WFDC8: variants seen among roughly 807,000 people sequenced by gnomAD.
WFDC8 encodes WAP four-disulfide core domain 8.
WFDC8 carries 24 observed loss-of-function variants against 27.0 expected under a neutral mutation model. That is an observed-to-expected ratio of 0.89 (90% confidence interval 0.64 to 1.25). The LOEUF (loss-of-function observed/expected upper bound fraction) is 1.25. Among genes scored for constraint, WFDC8 ranks in the 50% most tolerant of loss-of-function variants. WFDC8 has a pLI of 0.00. For missense variants in WFDC8, 287 were observed against 295.9 expected (o/e 0.97, Z 0.22); for synonymous variants, 106 against 99.7 (o/e 1.06, Z -0.38).
Position 45,553,179 on chromosome 20 carries a change from A to T in WFDC8, c.543T>A (p.Cys181Ter), listed in dbSNP as rs750718416. 1.9e-6 allele frequency: 3 copies of T among 1,613,822 alleles called. No individual in the cohort carries two copies. The highest frequency in any genetic ancestry group is 2.5e-6 in the Non-Finnish European group (3 of 1,179,804). ...SDIDCPQTDKCCESRCGFVCA... is the reference protein window; with the variant it reads ...SDIDCPQTDK ...AAACAAAGCCACACCTGGATTCACA[A>T]CATTTGTCTGTCTGGGGACAATCGA... is the stretch of plus-strand genomic sequence containing the variant. Residue 181 changes from cysteine to a stop codon, truncating the protein, a stop_gained, in exon 5 of 6, where the codon TGT becomes TGA. Transcript: ENST00000289953. LOFTEE classifies it low-confidence loss of function (END_TRUNC).
chr20:45,551,889 T>C lies in WFDC8; in HGVS notation c.*137A>G, dbSNP rs1029769495. The C allele has an allele frequency of 1.8e-6, 2 of 1,091,104 alleles. No homozygotes were observed. The highest frequency in any genetic ancestry group is 2.6e-6 in the Non-Finnish European group (2 of 776,532). 67.6% of individuals were successfully genotyped at this position (1,091,104 alleles called of 1,614,324 possible). On this transcript the variant is annotated 3_prime_UTR_variant, in exon 6 of 6. Transcript: ENST00000289953. ...ATCACTTTCAGATGATGGGATTATA[T>C]ATAAAATCAAAGTAACATCATTCAA...
chr20:45,556,074 CT>C (rs1284893405), intron 3 of WFDC8, among the ~76,000 whole-genome samples: 1 of 152,194 alleles, frequency 6.6e-6, no homozygotes, highest in Non-Finnish European at 1.5e-5. Flanking sequence ...TCACTCCTTC[CT>C]TGCAAAGAAT....
intron 1 of WFDC8, among the ~76,000 whole-genome samples, chr20:45,564,011 G>A (rs151201484): frequency 1.4e-4 from 21 of 152,316 alleles, no homozygotes; most frequent in African/African-American, 4.6e-4. Context: ...AGTATTTGAT[G>A]TTTATCTGAC....
intron 1 of WFDC8, 114 bp downstream of exon 1, chr20:45,579,108 A>T: frequency 1.0e-6 from 1 of 989,288 alleles, no homozygotes; most frequent in Non-Finnish European, 1.6e-6. Flanking sequence ...CCTCCTCACT[A>T]TGCTTGGCCC....
intron 1 of WFDC8, among the ~76,000 whole-genome samples, chr20:45,577,562 C>T (rs1981087578): frequency 6.7e-6 from 1 of 149,956 alleles, no homozygotes; most frequent in Admixed American, 6.6e-5. Context: ...CCACGTCCTG[C>T]TAATTTTTTG....
At chr20:45,562,265 G>C (rs1980498540) in intron 1 of WFDC8, 46 bp from the exon 2 acceptor site, 1 of 1,524,594 alleles carries the variant, frequency 6.6e-7, no homozygotes, top group Non-Finnish European at 9.1e-7. Flanking sequence ...AATCCAGAGA[G>C]AGACACAAAG....
chr20:45,575,516 CAT>C (rs969611686), intron 1 of WFDC8, among the ~76,000 whole-genome samples: 8 of 142,876 alleles, frequency 5.6e-5, no homozygotes, highest in African/African-American at 2.0e-4. Context: ...TTGGAGAAGA[CAT>C]AAATAAATGA....
At chr20:45,564,312 G>A (rs986020873) in intron 1 of WFDC8, among the ~76,000 whole-genome samples, 1 of 152,186 alleles carries the variant, frequency 6.6e-6, no homozygotes, top group Non-Finnish European at 1.5e-5. Flanking sequence ...GGTGGCTCAT[G>A]TTTGTAATCT....
At chr20:45,561,775 T>A (rs1468694997) in intron 2 of WFDC8, among the ~76,000 whole-genome samples, 4 of 148,468 alleles carry the variant, frequency 2.7e-5, no homozygotes, top group Non-Finnish European at 1.5e-5. Flanking sequence ...TGTGTGTGTG[T>A]ACAGTGGGAA....
intron 5 of WFDC8, among the ~76,000 whole-genome samples, chr20:45,552,494 A>G (rs1385385949): frequency 6.6e-6 from 1 of 152,222 alleles, no homozygotes; most frequent in South Asian, 2.1e-4. Flanking sequence ...CTTGTTTTAC[A>G]AATTGTAGGC....
In WFDC8 at chr20:45,555,880, A is replaced by T; in HGVS notation, c.278-12T>A. 1 of 1,612,624 alleles carries T rather than the reference A, an allele frequency of 6.2e-7. No individual in the cohort carries two copies. The highest frequency in any genetic ancestry group is 8.5e-7 in the Non-Finnish European group (1 of 1,178,826). On this transcript the variant is annotated splice_polypyrimidine_tract_variant and intron_variant, in intron 3 of 5. Transcript: ENST00000289953. Reference sequence around the variant, plus strand: ...TAGCATGCAGGGTTCTGAGGTCAGGAAGCAAGGAAAGAAGGATATGAAGAG... The same window carrying T: ...TAGCATGCAGGGTTCTGAGGTCAGGTAGCAAGGAAAGAAGGATATGAAGAG...
chr20:45,558,735 C>A (rs1421088673), intron 3 of WFDC8, 117 bp downstream of exon 3: 3 of 1,303,442 alleles, frequency 2.3e-6, no homozygotes, highest in African/African-American at 3.0e-5. Flanking sequence ...CATTGAATAA[C>A]AGAATGAGAA....
intron 1 of WFDC8, among the ~76,000 whole-genome samples, chr20:45,564,792 T>C (rs1980595468): frequency 6.6e-6 from 1 of 150,456 alleles, no homozygotes; most frequent in South Asian, 2.1e-4. Flanking sequence ...CAATGAGCCA[T>C]GATCATGCCC....
chr20:45,574,888 AATG>A (rs1980992438), intron 1 of WFDC8, among the ~76,000 whole-genome samples: 1 of 152,370 alleles, frequency 6.6e-6, no homozygotes, highest in South Asian at 2.1e-4. Flanking sequence ...CAAAGCAATC[AATG>A]TGGTGAACCA....
chr20:45,559,360 G>A (rs1016590102), intron 2 of WFDC8, among the ~76,000 whole-genome samples: 6 of 152,174 alleles, frequency 3.9e-5, no homozygotes, highest in Non-Finnish European at 7.3e-5. Context: ...AGACTGGTGG[G>A]AACATCATGG....
In WFDC8 at chr20:45,551,882, G is replaced by T; in HGVS notation, c.*144C>A. The T allele has an allele frequency of 9.9e-7, 1 of 1,012,272 alleles. No individual in the cohort carries two copies. Among genetic ancestry groups the T allele is most frequent in the Non-Finnish European group, 1.4e-6 (1 of 712,840 alleles). 62.7% of individuals were successfully genotyped at this position (1,012,272 alleles called of 1,614,324 possible). A position where few individuals can be genotyped will look rare whatever the true frequency, so the allele number is the denominator to read the frequency against. On this transcript the variant is annotated 3_prime_UTR_variant, in exon 6 of 6. Coordinates refer to ENST00000289953, the MANE Select transcript of WFDC8 (RefSeq NM_130896.3). ...ATATATCATCACTTTCAGATGATGG[G>T]ATTATATATAAAATCAAAGTAACAT...
At chr20:45,570,051 G>A (rs555612970) in intron 1 of WFDC8, among the ~76,000 whole-genome samples, 1 of 152,150 alleles carries the variant, frequency 6.6e-6, no homozygotes, top group African/African-American at 2.4e-5. Flanking sequence ...GAGGGTAGGA[G>A]GAAGGAGAGG....
intron 1 of WFDC8, among the ~76,000 whole-genome samples, chr20:45,575,371 C>T (rs1981007510): frequency 6.6e-6 from 1 of 152,144 alleles, no homozygotes; most frequent in Admixed American, 6.5e-5. Flanking sequence ...CATTTCTATA[C>T]ACTAACAACA....
intron 1 of WFDC8, among the ~76,000 whole-genome samples, chr20:45,563,651 C>T (rs1242619433): frequency 6.6e-6 from 1 of 152,194 alleles, no homozygotes; most frequent in South Asian, 2.1e-4. Context: ...AACAAATGTT[C>T]CTATTACCAT....
Sources: gnomAD v4.1 joint callset for allele counts (sites outside exome capture counted in the v4.1 genomes callset) on GRCh38, gnomAD v4.1.1 for gene constraint, MANE v1.5 for transcripts, NCBI Gene and HGNC (gene_info 2026-07-23, HGNC 2026-07-21) for gene names.